Variants in INSL6 observed in about 807,000 individuals in gnomAD.
INSL6 encodes the protein insulin-like peptide INSL6.
A neutral mutation model predicts 9.4 loss-of-function variants in INSL6; 16 were observed. The ratio of observed to expected loss-of-function variants is 1.70; its 90% CI spans 1.15 to 2.59. The LOEUF (loss-of-function observed/expected upper bound fraction) is 2.59, where lower values mean the gene tolerates loss of function less well. Among genes scored for constraint, INSL6 ranks in the 30% most tolerant of loss-of-function variants. The probability of loss-of-function intolerance (pLI) is 0.00; values close to 1 mark genes in which losing one functional copy is unlikely to be tolerated. For synonymous variants in INSL6, 154 were observed against 96.9 expected, an observed-to-expected ratio of 1.59 and a Z score of -3.46; for missense variants, 391 against 257.3, an observed-to-expected ratio of 1.52 and a Z score of -3.56.
At chr9:5,116,547 A>C in the INSL6 span, among the ~76,000 whole-genome samples, 1 of 152,164 alleles carries the variant, frequency 6.6e-6, no homozygotes, top group Non-Finnish European at 1.5e-5. Flanking sequence ...AGAATGAAAA[A>C]TTAAAGAGGT....
Position 5,126,913 on chromosome 9 carries a change from G to A in INSL6, c.*11-2402C>T, listed in dbSNP as rs41314565. On this transcript the variant is annotated intron_variant, in intron 3 of 3. Coordinates refer to the INSL6 transcript ENST00000649639. ...ATAAATCATGATGCTAGCCAGCAAA[G>A]ATGTGAAAATATCTGCTCAAAACTT... The A allele has an allele frequency of 3.0e-3, 1,541 of 511,206 alleles. 2 individuals are homozygous for A. The highest frequency in any genetic ancestry group is 4.0e-3 in the South Asian group (106 of 26,458). 31.7% of individuals were successfully genotyped at this position (511,206 alleles called of 1,614,324 possible).
chr9:5,000,756 T>C, the INSL6 span, among the ~76,000 whole-genome samples: 6 of 152,226 alleles, frequency 3.9e-5, no homozygotes, highest in Non-Finnish European at 7.4e-5. Flanking sequence ...GTATTGGAGA[T>C]ACCATCTTCT....
chr9:5,040,855 G>A, the INSL6 span: 1 of 228,052 alleles, frequency 4.4e-6, no homozygotes, highest in South Asian at 4.4e-5. Context: ...GCGCGAGCAG[G>A]AGAGGGGCCG....
chr9:5,134,524 T>C (rs1824353353), intron 2 of INSL6, among the ~76,000 whole-genome samples: 1 of 151,836 alleles, frequency 6.6e-6, no homozygotes, highest in South Asian at 2.1e-4. Context: ...CAGAAGAGAG[T>C]GGGGGCCAAC....
chr9:5,009,873 C>G, the INSL6 span, among the ~76,000 whole-genome samples: 17 of 151,912 alleles, frequency 1.1e-4, no homozygotes, highest in Admixed American at 7.2e-4. Flanking sequence ...TAAGCTTAAG[C>G]CGTCCTCCCA....
At chr9:5,027,297 A>G in the INSL6 span, among the ~76,000 whole-genome samples, 3 of 152,244 alleles carry the variant, frequency 2.0e-5, no homozygotes, top group Non-Finnish European at 4.4e-5. Flanking sequence ...TAGGTTTCCC[A>G]GTGCATATAA....
At chr9:5,111,685 C>T in the INSL6 span, 1 of 426,272 alleles carries the variant, frequency 2.3e-6, no homozygotes, top group South Asian at 1.7e-5. Context: ...TGGGCAGTGG[C>T]GGAGGCAGCA....
At chr9:5,058,758 T>A in the INSL6 span, among the ~76,000 whole-genome samples, 1 of 152,234 alleles carries the variant, frequency 6.6e-6, no homozygotes, top group Non-Finnish European at 1.5e-5. Context: ...AGTATCTCAT[T>A]GTGATTTTGA....
the INSL6 span, chr9:5,100,776 C>T: frequency 6.6e-6 from 1 of 152,306 alleles, no homozygotes; most frequent in African/African-American, 2.4e-5. Flanking sequence ...AATCTCAGTA[C>T]TTTGAGGCCC....
the INSL6 span, chr9:5,112,713 G>A: frequency 4.0e-5 from 33 of 828,532 alleles, no homozygotes; most frequent in East Asian, 9.1e-5. Flanking sequence ...GTGCGAGAGC[G>A]GAACCTGAAT....
chr9:5,181,307 C>CA (rs1434197103), intron 1 of INSL6, among the ~76,000 whole-genome samples: 2 of 151,852 alleles, frequency 1.3e-5, no homozygotes, highest in African/African-American at 4.8e-5. Flanking sequence ...GTCACAGTAT[C>CA]AAAAATAGTA....
the INSL6 span, among the ~76,000 whole-genome samples, chr9:5,107,731 C>T: frequency 6.6e-6 from 1 of 152,030 alleles, no homozygotes; most frequent in Non-Finnish European, 1.5e-5. Context: ...TCCCTATGTG[C>T]CTAGAAGGCA....
intron 2 of INSL6, among the ~76,000 whole-genome samples, chr9:5,154,073 T>C (rs1291585047): frequency 6.6e-6 from 1 of 152,144 alleles, no homozygotes; most frequent in Non-Finnish European, 1.5e-5. Flanking sequence ...CTTCAAACTA[T>C]ACTACAAAGC....
chr9:5,002,421 G>C, the INSL6 span, among the ~76,000 whole-genome samples: 2 of 151,822 alleles, frequency 1.3e-5, no homozygotes, highest in Non-Finnish European at 2.9e-5. Flanking sequence ...TGTTAATTTT[G>C]CAATACTGGG....
At chr9:5,140,476 T>C (rs941080609) in intron 2 of INSL6, among the ~76,000 whole-genome samples, 1 of 152,144 alleles carries the variant, frequency 6.6e-6, no homozygotes, top group African/African-American at 2.4e-5. Context: ...TCCCCCATAA[T>C]TTTGTGTTGT....
the INSL6 span, chr9:5,077,615 T>C: frequency 5.4e-3 from 7,247 of 1,334,706 alleles, 22 homozygotes; most frequent in Non-Finnish European, 6.3e-3. Flanking sequence ...AAAGATACTA[T>C]TTTATTTTAT....
chr9:5,106,025 G>T, the INSL6 span, among the ~76,000 whole-genome samples: 1 of 152,014 alleles, frequency 6.6e-6, no homozygotes, highest in Non-Finnish European at 1.5e-5. Context: ...TGATGAAAAC[G>T]CCAGAAACAA....
chr9:5,036,384 T>C, the INSL6 span, among the ~76,000 whole-genome samples: 4 of 152,078 alleles, frequency 2.6e-5, no homozygotes, highest in Non-Finnish European at 5.9e-5. Flanking sequence ...TACTTTAAAG[T>C]TCATATGGAA....
At chr9:4,998,497 C>A in the INSL6 span, among the ~76,000 whole-genome samples, 1 of 152,070 alleles carries the variant, frequency 6.6e-6, no homozygotes, top group South Asian at 2.1e-4. Context: ...CCTCGTGATC[C>A]GCCCGCCTTG....
Sources: gnomAD v4.1 joint callset for allele counts (sites outside exome capture counted in the v4.1 genomes callset) on GRCh38, gnomAD v4.1.1 for gene constraint, MANE v1.5 for transcripts, NCBI Gene and HGNC (gene_info 2026-07-23, HGNC 2026-07-21) for gene names.